REDIC1: variants seen among roughly 807,000 people sequenced by gnomAD.
The protein encoded by REDIC1 is HEI10 Interacting Protein 1.
At chr12:39,882,877 T>TTAGATA in the REDIC1 span, among the ~76,000 whole-genome samples, 2 of 152,248 alleles carry the variant, frequency 1.3e-5, no homozygotes, top group Admixed American at 1.3e-4. Context: ...CTAGAATTAC[T>TTAGATA]TAGATATACA....
chr12:39,878,798 G>A, the REDIC1 span, among the ~76,000 whole-genome samples: 1 of 152,248 alleles, frequency 6.6e-6, no homozygotes, highest in Admixed American at 6.5e-5. Flanking sequence ...ATTTGCTAGA[G>A]AAATTTGCAT....
At chr12:39,721,808 T>G in the REDIC1 span, 3 of 152,060 alleles carry the variant, frequency 2.0e-5, no homozygotes, top group East Asian at 1.9e-4. Flanking sequence ...ACATAGTTTT[T>G]TTGTTGGTGC....
chr12:39,671,607 G>A, the REDIC1 span, among the ~76,000 whole-genome samples: 2 of 152,140 alleles, frequency 1.3e-5, no homozygotes, highest in African/African-American at 4.8e-5. Context: ...GGTGATGATA[G>A]TCATGGTGGT....
the REDIC1 span, among the ~76,000 whole-genome samples, chr12:39,799,082 T>C: frequency 7.5e-6 from 1 of 133,988 alleles, no homozygotes; most frequent in African/African-American, 2.9e-5. Context: ...TTTTTTTTCC[T>C]TTTTTTTTTT....
chr12:39,764,424 AAAAAC>A, the REDIC1 span: 1 of 1,497,770 alleles, frequency 6.7e-7, no homozygotes, highest in Non-Finnish European at 8.9e-7. Flanking sequence ...TGATAAAAAT[AAAAAC>A]AAAACTATGT....
the REDIC1 span, among the ~76,000 whole-genome samples, chr12:39,891,894 T>C: frequency 1.3e-5 from 2 of 152,182 alleles, no homozygotes; most frequent in Admixed American, 1.3e-4. Flanking sequence ...TTATTATTAG[T>C]TGTCTATGGT....
the REDIC1 span, chr12:39,646,193 T>C: frequency 3.3e-6 from 1 of 300,986 alleles, no homozygotes; most frequent in Non-Finnish European, 6.0e-6. Flanking sequence ...TGATTTATTT[T>C]AGCACTGATA....
chr12:39,772,578 T>A, the REDIC1 span, among the ~76,000 whole-genome samples: 2 of 150,790 alleles, frequency 1.3e-5, no homozygotes, highest in African/African-American at 4.9e-5. Context: ...TTTTGAGTCA[T>A]GAAGATTTAA....
the REDIC1 span, among the ~76,000 whole-genome samples, chr12:39,879,806 T>C: frequency 6.7e-6 from 1 of 150,054 alleles, no homozygotes. Context: ...GAAGGCAAGA[T>C]TGTATTTTGC....
At chr12:39,728,618 G>T in the REDIC1 span, among the ~76,000 whole-genome samples, 1 of 151,862 alleles carries the variant, frequency 6.6e-6, no homozygotes, top group Admixed American at 6.6e-5. Flanking sequence ...TTTTTTTATT[G>T]TGTCTCTGCC....
the REDIC1 span, chr12:39,755,503 C>CT: frequency 1.3e-5 from 2 of 152,088 alleles, no homozygotes; most frequent in African/African-American, 4.8e-5. Context: ...CCAAAAGCTG[C>CT]TAGGAGACAG....
chr12:39,697,948 C>G, the REDIC1 span, among the ~76,000 whole-genome samples: 2 of 152,082 alleles, frequency 1.3e-5, no homozygotes, highest in African/African-American at 4.8e-5. Context: ...GCTCTCCAAT[C>G]AAAAGATATA....
At chr12:39,638,402 G>A in the REDIC1 span, among the ~76,000 whole-genome samples, 1 of 151,974 alleles carries the variant, frequency 6.6e-6, no homozygotes, top group Non-Finnish European at 1.5e-5. Flanking sequence ...GTATCCTTAT[G>A]AGAATAATTG....
At chr12:39,877,768 C>A in the REDIC1 span, among the ~76,000 whole-genome samples, 1 of 152,132 alleles carries the variant, frequency 6.6e-6, no homozygotes, top group Non-Finnish European at 1.5e-5. Context: ...TCTTCTAAAC[C>A]TTTATGCAGT....
the REDIC1 span, among the ~76,000 whole-genome samples, chr12:39,714,804 C>G: frequency 6.6e-6 from 1 of 151,916 alleles, no homozygotes; most frequent in East Asian, 1.9e-4. Flanking sequence ...TTGCATTTCC[C>G]TGGTCATTAG....
At chr12:39,646,273 C>A in the REDIC1 span, 177 of 560,622 alleles carry the variant, frequency 3.2e-4, no homozygotes, top group Non-Finnish European at 4.7e-4. Context: ...TTAAACAGTA[C>A]TTTTACAATT....
the REDIC1 span, among the ~76,000 whole-genome samples, chr12:39,747,688 T>G: frequency 6.6e-6 from 1 of 152,160 alleles, no homozygotes; most frequent in Non-Finnish European, 1.5e-5. Context: ...AAAGGTTGGG[T>G]TACCCACAAA....
chr12:39,648,005 T>C, the REDIC1 span: 1 of 1,325,034 alleles, frequency 7.5e-7, no homozygotes, highest in South Asian at 1.9e-5. Flanking sequence ...GTTCTTAGCA[T>C]TTTATATAAT....
chr12:39,880,974 A>T, the REDIC1 span, among the ~76,000 whole-genome samples: 1 of 152,238 alleles, frequency 6.6e-6, no homozygotes, highest in Admixed American at 6.5e-5. Flanking sequence ...ATAGGCTCAC[A>T]TTTCCCATTT....
Sources: allele counts gnomAD v4.1 joint callset (sites outside exome capture counted in the v4.1 genomes callset), GRCh38; gene constraint gnomAD v4.1.1; transcripts MANE v1.5; gene names NCBI Gene and HGNC (gene_info 2026-07-23, HGNC 2026-07-21).